The following DNAAF4 variants were observed in gnomAD, a reference collection of about 807,000 sequenced individuals.
DNAAF4 encodes dynein assembly factor 4, axonemal.
Under a neutral mutation model 51.8 loss-of-function variants are expected in DNAAF4, and 43 were observed. The observed-to-expected ratio is 0.83, with a 90% CI of 0.65 to 1.07. DNAAF4 has a LOEUF of 1.07. Ranked by LOEUF, DNAAF4 falls within the 50% of genes least tolerant of loss-of-function variation. DNAAF4 has a pLI of 0.00. For missense variants in DNAAF4, 581 were observed against 493.0 expected (o/e 1.18, Z -1.69); for synonymous variants, 194 against 165.6 (o/e 1.17, Z -1.32).
chr15:55,441,553 T>A (rs1004203311), intron 6 of DNAAF4, among the ~76,000 whole-genome samples: 1 of 151,452 alleles, frequency 6.6e-6, no homozygotes, highest in African/African-American at 2.4e-5. Context: ...CCTAATGCTA[T>A]CCCTCCCCCC....
intron 3 of DNAAF4, among the ~76,000 whole-genome samples, chr15:55,497,121 C>A (rs984242181): frequency 6.6e-6 from 1 of 152,152 alleles, no homozygotes; most frequent in African/African-American, 2.4e-5. Context: ...TCCCCCTTCC[C>A]CTATTAAGAC....
rs3049057 is a variant in DNAAF4, at chr15:55,498,593, GA to G, written c.-255-10del. ...AAGTAGACCCATACCCTCTGCTTGA[GA>G]AAAAAAAAAAAAAAAAAAAGCACTC... On this transcript the variant is annotated splice_polypyrimidine_tract_variant and intron_variant, in intron 1 of 9. Coordinates refer to ENST00000321149, the MANE Select transcript of DNAAF4 (RefSeq NM_130810.4). The G allele has an allele frequency of 0.23, 17,433 of 74,378 alleles. 1,545 individuals carry two copies. The highest frequency in any genetic ancestry group is 0.35 in the Middle Eastern group (41 of 118). The allele number at this position is 74,378 out of a possible 1,614,324, so 4.6% of individuals were successfully genotyped here.
chr15:55,491,797 A>G lies in DNAAF4; in HGVS notation c.272-541T>C, dbSNP rs2058578734. ...AATAGGTAAGGTTTTATATATATTTATATATAATATTTTATATAATATATA... is the reference window on the plus strand; with the variant it reads ...AATAGGTAAGGTTTTATATATATTTGTATATAATATTTTATATAATATATA... On this transcript the variant is annotated intron_variant, in intron 3 of 9. Transcript: ENST00000321149. Among the ~76,000 whole-genome samples, 3 of 142,904 alleles carry G rather than the reference A, an allele frequency of 2.1e-5. No individual in the cohort carries two copies. The South Asian group carries it at 6.4e-4, about 30-fold the overall frequency. The allele number at this position is 142,904 out of a possible 152,430, so 93.8% of individuals were successfully genotyped here.
chr15:55,439,435 C>G (rs773412416), intron 7 of DNAAF4, 37 bp downstream of exon 7: 5 of 1,538,246 alleles, frequency 3.3e-6, no homozygotes, highest in Non-Finnish European at 3.6e-6. Flanking sequence ...TGTCTTCATA[C>G]ATGATAAAGC....
rs1259994431 is a variant in DNAAF4 at position 55,498,373 on chromosome 15, C to G, written c.-44G>C. 6.3e-7 allele frequency: 1 copy of G among 1,582,188 alleles called. No homozygotes were observed. Among genetic ancestry groups the G allele is most frequent in the South Asian group, 1.1e-5 (1 of 88,728 alleles). ...GGATAGCGCGGCTGGTTGCTTCTTGCGCCTGCTTGGTTGCTAGGGAAGCTG... is the reference window on the plus strand; with the variant it reads ...GGATAGCGCGGCTGGTTGCTTCTTGGGCCTGCTTGGTTGCTAGGGAAGCTG... On this transcript the variant is annotated 5_prime_UTR_variant, in exon 2 of 10. Transcript: ENST00000321149.
chr15:55,489,902 C>G (rs1595950702), intron 4 of DNAAF4, among the ~76,000 whole-genome samples: 1 of 146,494 alleles, frequency 6.8e-6, no homozygotes, highest in South Asian at 2.2e-4. Flanking sequence ...GAGACGGCGT[C>G]TCACTCTGTC....
intron 6 of DNAAF4, among the ~76,000 whole-genome samples, chr15:55,448,989 A>AT (rs1595907137): frequency 2.0e-5 from 3 of 150,846 alleles, no homozygotes; most frequent in South Asian, 4.2e-4. Flanking sequence ...TATGTCTTTT[A>AT]TTTTTTATTT....
At chr15:55,454,316 C>T (rs1455314134) in intron 5 of DNAAF4, among the ~76,000 whole-genome samples, 1 of 151,418 alleles carries the variant, frequency 6.6e-6, no homozygotes, top group Non-Finnish European at 1.5e-5. Flanking sequence ...AAAAGAAAAA[C>T]ATCTGTGTAA....
chr15:55,490,046 G>C (rs891396322), intron 4 of DNAAF4, among the ~76,000 whole-genome samples: 44 of 151,992 alleles, frequency 2.9e-4, no homozygotes, highest in Non-Finnish European at 4.7e-4. Flanking sequence ...GCTGATTTTT[G>C]TATTTTTAGT....
Position 55,434,929 on chromosome 15 carries a change from G to C in DNAAF4, c.1023C>G (p.His341Gln), listed in dbSNP as rs768342438. The change falls in exon 8 of 10, where the codon CAC becomes CAG. Residue 341 changes from histidine to glutamine, a missense_variant. Coordinates refer to ENST00000321149, the MANE Select transcript of DNAAF4 (RefSeq NM_130810.4). Reference sequence around the variant, plus strand: ...CCTTAGAAGAATCTTCAATAGCCTTGTGTAAGTTTTTTAGTTTTAGGTGGC... The same window carrying C: ...CCTTAGAAGAATCTTCAATAGCCTTCTGTAAGTTTTTTAGTTTTAGGTGGC... ...AACHLKLKNL[H>Q]KAIEDSSKAL... is the part of the protein sequence containing the mutation. 1.2e-6 allele frequency: 2 copies of C among 1,611,282 alleles called. No individual in the cohort carries two copies. Among genetic ancestry groups the C allele is most frequent in the East Asian group, 2.2e-5 (1 of 44,812 alleles).
At chr15:55,490,758 C>G (rs1174542136) in intron 4 of DNAAF4, among the ~76,000 whole-genome samples, 1 of 152,070 alleles carries the variant, frequency 6.6e-6, no homozygotes, top group African/African-American at 2.4e-5. Context: ...TCGAGACCAT[C>G]CCGGCTAACA....
At chr15:55,445,268 G>T (rs186544234) in intron 6 of DNAAF4, among the ~76,000 whole-genome samples, 43 of 151,800 alleles carry the variant, frequency 2.8e-4, no homozygotes, top group Admixed American at 1.8e-3. Flanking sequence ...GCCTTCAAGC[G>T]TCTGTTTAAC....
At chr15:55,491,369 A>G in intron 3 of DNAAF4, 113 bp from the exon 4 acceptor site, 2 of 1,075,822 alleles carry the variant, frequency 1.9e-6, no homozygotes, top group East Asian at 2.6e-5. Context: ...CCAACTTCAC[A>G]AGGAACATGG....
chr15:55,479,487 G>A (rs1181906480), intron 4 of DNAAF4, among the ~76,000 whole-genome samples: 1 of 151,990 alleles, frequency 6.6e-6, no homozygotes, highest in African/African-American at 2.4e-5. Flanking sequence ...TAAAACATGT[G>A]TGTTTCAACA....
intron 7 of DNAAF4, chr15:55,418,369 A>G (rs1002235161): frequency 3.9e-6 from 6 of 1,537,550 alleles, no homozygotes; most frequent in Middle Eastern, 1.7e-4. Flanking sequence ...CAAAACCTCA[A>G]ATGATTATGT....
At position 55,473,574 on chromosome 15, in the gene DNAAF4, A is replaced by G. The variant is rs1315694584; in HGVS notation, c.406-6413T>C. On this transcript the variant is annotated intron_variant, in intron 4 of 9. Coordinates refer to ENST00000321149, the MANE Select transcript of DNAAF4 (RefSeq NM_130810.4). ...TCTTACTTAAGGTATTAGGAAATCA[A>G]TAGAGAAAAGCATTATGATGTCAGT... Among the ~76,000 whole-genome samples the G allele has an allele frequency of 2.6e-5, 4 of 152,092 alleles. No individual in the cohort carries two copies. In the East Asian group the frequency reaches 7.7e-4, roughly 29 times the overall value.
chr15:55,466,326 C>T (rs1403522520), intron 5 of DNAAF4, among the ~76,000 whole-genome samples: 2 of 151,948 alleles, frequency 1.3e-5, no homozygotes, highest in Non-Finnish European at 2.9e-5. Flanking sequence ...ACTTGGGAGG[C>T]TAAGGCAGGA....
chr15:55,464,199 G>T (rs1297460899), intron 5 of DNAAF4, among the ~76,000 whole-genome samples: 7 of 152,244 alleles, frequency 4.6e-5, no homozygotes, highest in African/African-American at 1.7e-4. Flanking sequence ...ACCATAAAGT[G>T]GGGAAAGGAC....
chr15:55,488,007 CTCTT>C (rs2058516644), intron 4 of DNAAF4, among the ~76,000 whole-genome samples: 1 of 151,368 alleles, frequency 6.6e-6, no homozygotes, highest in Non-Finnish European at 1.5e-5. Flanking sequence ...GGTTTTCCCT[CTCTT>C]TCTACCAGGA....
Sources: allele counts gnomAD v4.1 joint callset (sites outside exome capture counted in the v4.1 genomes callset), GRCh38; gene constraint gnomAD v4.1.1; transcripts MANE v1.5; gene names NCBI Gene and HGNC (gene_info 2026-07-23, HGNC 2026-07-21).